CACNG4: variants seen among roughly 807,000 people sequenced by gnomAD.
The protein encoded by CACNG4 is voltage-dependent calcium channel gamma-4 subunit.
In CACNG4, 8 loss-of-function variants were observed where a neutral mutation model predicts 22.9. The observed-to-expected ratio is 0.35, with a 90% CI of 0.21 to 0.63. The LOEUF is 0.63. CACNG4 is among the 30% of genes least tolerant of loss of function. The pLI is 0.72. For missense variants in CACNG4, 357 were observed against 455.4 expected, an observed-to-expected ratio of 0.78 and a Z score of 1.97; for synonymous variants, 188 against 191.9, an observed-to-expected ratio of 0.98 and a Z score of 0.17.
rs2035595141 is a variant in CACNG4, at chr17:67,030,319, A to G, written c.446-147A>G. ...ATTACCCATTCAACATTAATTACTG[A>G]AAAGAAAAATTAGCAACCAGAATAA... On this transcript the variant is annotated intron_variant, in intron 3 of 3. Coordinates refer to ENST00000262138, the MANE Select transcript of CACNG4 (RefSeq NM_014405.4). The surrounding 1 kb of genome is among the most constrained non-coding windows in gnomAD (Gnocchi z 6.4). The G allele has an allele frequency of 2.8e-6, 2 of 722,442 alleles. No individual in the cohort carries two copies. The highest frequency in any genetic ancestry group is 3.6e-5 in the South Asian group (2 of 56,310). 44.8% of individuals were successfully genotyped at this position (722,442 alleles called of 1,614,324 possible). A position where few individuals can be genotyped will look rare whatever the true frequency, so the allele number is the denominator to read the frequency against.
intron 1 of CACNG4, among the ~76,000 whole-genome samples, chr17:66,973,120 C>T (rs762378418): frequency 1.1e-4 from 17 of 151,806 alleles, no homozygotes; most frequent in Non-Finnish European, 1.3e-4. Flanking sequence ...GTGGCAGGCA[C>T]CTGTAGTCCC....
chr17:66,981,425 T>C (rs1359964006), intron 1 of CACNG4, among the ~76,000 whole-genome samples: 2 of 152,186 alleles, frequency 1.3e-5, no homozygotes, highest in Non-Finnish European at 2.9e-5. Flanking sequence ...AGCAGTTTTT[T>C]TGGGTTCTTC....
intron 3 of CACNG4, among the ~76,000 whole-genome samples, chr17:67,026,470 G>A (rs2035567247): frequency 6.7e-6 from 1 of 149,764 alleles, no homozygotes; most frequent in Admixed American, 6.6e-5. Context: ...TGTATTTGAG[G>A]ACTGTGGGGT....
intron 1 of CACNG4, among the ~76,000 whole-genome samples, chr17:66,990,684 T>A (rs2035334367): frequency 6.7e-6 from 1 of 149,954 alleles, no homozygotes; most frequent in Admixed American, 6.6e-5. Flanking sequence ...TATTTTATTT[T>A]ATTTATTTAT....
chr17:67,031,078 C>A lies in CACNG4; in HGVS notation c.*74C>A. 6.8e-7 allele frequency: 1 copy of A among 1,479,696 alleles called. No homozygotes were observed. The highest frequency in any genetic ancestry group is 9.2e-7 in the Non-Finnish European group (1 of 1,089,378). 91.7% of individuals were successfully genotyped at this position (1,479,696 alleles called of 1,614,324 possible). A position where few individuals can be genotyped will look rare whatever the true frequency, so the allele number is the denominator to read the frequency against. ...TTTGTCACACAGGATGGCATGTGAT[C>A]CTCAAGACGACGAACAATGAACTAA... is the stretch of plus-strand genomic sequence containing the variant. On this transcript the variant is annotated 3_prime_UTR_variant, in exon 4 of 4. Coordinates refer to ENST00000262138, the MANE Select transcript of CACNG4 (RefSeq NM_014405.4). The surrounding 1 kb of genome is among the most constrained non-coding windows in gnomAD (Gnocchi z 4.0).
rs891300764 is a variant in CACNG4 at position 66,964,860 on chromosome 17, G to T, written c.-52G>T. On this transcript the variant is annotated 5_prime_UTR_variant, in exon 1 of 4. Transcript: ENST00000262138. ...GAGCGGCGCGCGGAGGGAGGAGGGC[G>T]GGCGGGCGCGGCGGGCCGGGCCGGC... 6.9e-5 allele frequency: 80 copies of T among 1,166,850 alleles called. 1 individual carries two copies. The East Asian group carries it at 2.9e-3, about 42-fold the overall frequency. The allele number at this position is 1,166,850 out of a possible 1,614,324, so 72.3% of individuals were successfully genotyped here.
At chr17:67,029,915 G>A (rs1464904040) in intron 3 of CACNG4, among the ~76,000 whole-genome samples, 1 of 152,234 alleles carries the variant, frequency 6.6e-6, no homozygotes, top group Non-Finnish European at 1.5e-5. Context: ...ATGTGCACAT[G>A]TGAGGCTGTA....
chr17:66,994,023 A>T lies in CACNG4; in HGVS notation c.221-24166A>T, dbSNP rs1046543960. ...TTGTAACCCTCAAATATACACATAA[A>T]AAAAAAAAAACATTTTTTTAAGAGA... On this transcript the variant is annotated intron_variant, in intron 1 of 3. Coordinates refer to ENST00000262138, the MANE Select transcript of CACNG4 (RefSeq NM_014405.4). Among the ~76,000 whole-genome samples, 4 of 98,668 alleles carry T rather than the reference A, an allele frequency of 4.1e-5. No individual in the cohort carries two copies. In the African/African-American group the frequency reaches 4.5e-4, roughly 11 times the overall value. 64.7% of individuals were successfully genotyped at this position (98,668 alleles called of 152,430 possible).
chr17:66,987,317 T>C (rs1318575091), intron 1 of CACNG4, among the ~76,000 whole-genome samples: 1 of 150,970 alleles, frequency 6.6e-6, no homozygotes, highest in Non-Finnish European at 1.5e-5. Flanking sequence ...CTCATTTCCT[T>C]ATCTACACAA....
chr17:66,982,625 T>A (rs1598105775), intron 1 of CACNG4, among the ~76,000 whole-genome samples: 1 of 152,234 alleles, frequency 6.6e-6, no homozygotes, highest in African/African-American at 2.4e-5. Flanking sequence ...CACCTCTCAA[T>A]AGCTCACTGT....
rs536587693 is a variant in CACNG4, at chr17:67,027,261, G to A, written c.445+2261G>A. Among the ~76,000 whole-genome samples the A allele has an allele frequency of 5.3e-5, 8 of 152,346 alleles. No individual in the cohort carries two copies. Among genetic ancestry groups the A allele is most frequent in the South Asian group, 2.1e-4 (1 of 4,826 alleles). On this transcript the variant is annotated intron_variant, in intron 3 of 3. Transcript: ENST00000262138. This position sits in a 1 kb window ranked among gnomAD's most constrained non-coding sequence, Gnocchi z 4.3. Reference sequence around the variant, plus strand: ...GCTGCCCGTGCCCCCAGGAGGAGCCGTTTCAAAGGCAGGCCCAGATGCTTG... The same window carrying A: ...GCTGCCCGTGCCCCCAGGAGGAGCCATTTCAAAGGCAGGCCCAGATGCTTG...
chr17:66,995,381 G>T (rs2035367691), intron 1 of CACNG4, among the ~76,000 whole-genome samples: 1 of 152,184 alleles, frequency 6.6e-6, no homozygotes, highest in African/African-American at 2.4e-5. Context: ...GCCTGAGGAA[G>T]GTCGGGCTCT....
At chr17:66,966,733 G>A (rs1327572579) in intron 1 of CACNG4, among the ~76,000 whole-genome samples, 2 of 152,212 alleles carry the variant, frequency 1.3e-5, no homozygotes, top group African/African-American at 4.8e-5. Context: ...GGGCTGAGTG[G>A]AGTCTGCAGG....
intron 1 of CACNG4, among the ~76,000 whole-genome samples, chr17:66,981,380 A>G (rs1235170057): frequency 3.3e-5 from 5 of 152,150 alleles, no homozygotes; most frequent in African/African-American, 9.7e-5. Flanking sequence ...CAAAGCAATC[A>G]TCTTCGACCC....
chr17:67,030,243 T>A lies in CACNG4; in HGVS notation c.446-223T>A, dbSNP rs2035594786. Among the ~76,000 whole-genome samples, 1 of 152,150 alleles carries A rather than the reference T, an allele frequency of 6.6e-6. No individual in the cohort carries two copies. The highest frequency in any genetic ancestry group is 2.4e-5 in the African/African-American group (1 of 41,434). On this transcript the variant is annotated intron_variant, in intron 3 of 3. Transcript: ENST00000262138. This position sits in a 1 kb window ranked among gnomAD's most constrained non-coding sequence, Gnocchi z 6.4. The stretch of plus-strand genomic sequence containing the variant: ...CAGTAGTTGCCTTAAAGAGGGGAAC[T>A]GGGGGCTGAGAGTGTGTTTTATTGT...
In CACNG4 at chr17:66,992,538, C is replaced by T. The variant is rs142377647; in HGVS notation, c.221-25651C>T. Among the ~76,000 whole-genome samples, 72 of 152,312 alleles carry T rather than the reference C, an allele frequency of 4.7e-4. No homozygotes were observed. The East Asian group carries it at 0.012, about 26-fold the overall frequency. On this transcript the variant is annotated intron_variant, in intron 1 of 3. Coordinates refer to ENST00000262138, the MANE Select transcript of CACNG4 (RefSeq NM_014405.4). ...CTAGAAGGGGGTTATGTCTAGAAAA[C>T]AGCTGGAAGCAACCCTGCCATGGCT... is the stretch of plus-strand genomic sequence containing the variant.
chr17:67,015,092 C>T (rs1507504), intron 1 of CACNG4, among the ~76,000 whole-genome samples: 6,431 of 152,270 alleles, frequency 0.042, 314 homozygotes, highest in East Asian at 0.23. Flanking sequence ...TGCCCTTCTC[C>T]ACCGCCTCGT....
chr17:66,987,434 T>C (rs1470598787), intron 1 of CACNG4, among the ~76,000 whole-genome samples: 1 of 152,178 alleles, frequency 6.6e-6, no homozygotes, highest in Non-Finnish European at 1.5e-5. Context: ...GTCATTATCA[T>C]TACTCTCTCA....
At chr17:66,969,007 C>G (rs942147857) in intron 1 of CACNG4, among the ~76,000 whole-genome samples, 2 of 151,922 alleles carry the variant, frequency 1.3e-5, no homozygotes, top group African/African-American at 4.8e-5. Flanking sequence ...CCCAGCCAAG[C>G]CTGAGGACAT....
Sources: gnomAD v4.1 joint callset for allele counts (sites outside exome capture counted in the v4.1 genomes callset) on GRCh38, gnomAD v4.1.1 for gene constraint, Gnocchi (gnomAD v3.1) non-coding constraint, MANE v1.5 for transcripts, NCBI Gene and HGNC (gene_info 2026-07-23, HGNC 2026-07-21) for gene names.